The following TMEM108 variants were observed in gnomAD, a reference collection of about 807,000 sequenced individuals.
The protein encoded by TMEM108 is cancer/testis antigen 124.
TMEM108 carries 12 observed loss-of-function variants against 35.1 expected under a neutral mutation model. That is an observed-to-expected ratio of 0.34 (90% CI 0.22 to 0.55). TMEM108 has a LOEUF of 0.55. Among genes scored for constraint, TMEM108 ranks in the 20% least tolerant of loss-of-function variants. TMEM108 has a pLI of 0.89. For missense variants in TMEM108, 680 were observed against 753.3 expected (o/e 0.90, Z 1.14); for synonymous variants, 287 against 308.6 (o/e 0.93, Z 0.73).
Position 133,390,474 on chromosome 3 carries a change from G to A in TMEM108, c.1605+140G>A, listed in dbSNP as rs1197684987. 69 of 958,854 alleles carry A rather than the reference G, an allele frequency of 7.2e-5. No homozygotes were observed. The Admixed American group carries it at 1.3e-3, about 17-fold the overall frequency. 59.4% of individuals were successfully genotyped at this position (958,854 alleles called of 1,614,324 possible). On this transcript the variant is annotated intron_variant, in intron 5 of 5. Coordinates refer to ENST00000321871, the MANE Select transcript of TMEM108 (RefSeq NM_023943.4). ...CAGTATCAATAACACCCAAGAGGTTGTAGGCCCTACCCTGGTCCTACTGAG... is the reference window on the plus strand; with the variant it reads ...CAGTATCAATAACACCCAAGAGGTTATAGGCCCTACCCTGGTCCTACTGAG...
chr3:133,274,423 A>C (rs1395123629), intron 3 of TMEM108, among the ~76,000 whole-genome samples: 1 of 152,112 alleles, frequency 6.6e-6, no homozygotes, highest in East Asian at 1.9e-4. Flanking sequence ...TTCTGCATGC[A>C]CAGTGCCTGG....
chr3:133,353,689 G>A (rs1281337786), intron 3 of TMEM108, among the ~76,000 whole-genome samples: 1 of 152,200 alleles, frequency 6.6e-6, no homozygotes, highest in Non-Finnish European at 1.5e-5. Context: ...TTAGTTGGGG[G>A]AAAGAAAGGT....
At chr3:133,152,936 G>C (rs914042446) in intron 2 of TMEM108, among the ~76,000 whole-genome samples, 4 of 152,058 alleles carry the variant, frequency 2.6e-5, no homozygotes, top group African/African-American at 9.7e-5. Context: ...CCTACCTCTA[G>C]GCTGCAAAGA....
chr3:133,395,882 C>T lies in TMEM108; in HGVS notation c.1624C>T (p.Arg542Cys), dbSNP rs143196873. Residue 542 changes from arginine to cysteine, a missense_variant, in exon 6 of 6, where the codon CGC (arginine) becomes TGC (cysteine). By Grantham distance (180) the Arg-to-Cys change is radical. Transcript: ENST00000321871. ...ETSEDQLSEP[R>C]SPANGDYRDT... Reference sequence around the variant, plus strand: ...TTCCCAGGACCAGCTCTCAGAGCCCCGCTCCCCAGCCAATGGCGACTATAG... The same window carrying T: ...TTCCCAGGACCAGCTCTCAGAGCCCTGCTCCCCAGCCAATGGCGACTATAG... The T allele has an allele frequency of 8.2e-6, 13 of 1,587,732 alleles. No individual in the cohort carries two copies. The highest frequency in any genetic ancestry group is 7.0e-5 in the East Asian group (3 of 42,792).
chr3:133,323,214 C>G (rs956810739), intron 3 of TMEM108, among the ~76,000 whole-genome samples: 20 of 152,090 alleles, frequency 1.3e-4, no homozygotes, highest in African/African-American at 4.3e-4. Flanking sequence ...AAGAGTAAGT[C>G]AAACTGTTAC....
At chr3:133,100,756 T>G (rs1944076748) in intron 2 of TMEM108, among the ~76,000 whole-genome samples, 1 of 152,238 alleles carries the variant, frequency 6.6e-6, no homozygotes, top group African/African-American at 2.4e-5. Flanking sequence ...AGCAATTTTT[T>G]TTGTAAAAAT....
intron 3 of TMEM108, among the ~76,000 whole-genome samples, chr3:133,249,126 A>G (rs1369885256): frequency 1.3e-5 from 2 of 152,230 alleles, no homozygotes; most frequent in Non-Finnish European, 1.5e-5. Flanking sequence ...TCTCCTTCAC[A>G]GTGCCAAAAG....
chr3:133,295,226 A>G lies in TMEM108; in HGVS notation c.40+65875A>G, dbSNP rs374847950. 9.2e-5 allele frequency among the ~76,000 whole-genome samples: 14 copies of G among 152,314 alleles called. No individual in the cohort carries two copies. The South Asian group carries it at 1.9e-3, about 20-fold the overall frequency. On this transcript the variant is annotated intron_variant, in intron 3 of 5. Coordinates refer to ENST00000321871, the MANE Select transcript of TMEM108 (RefSeq NM_023943.4). Reference sequence around the variant, plus strand: ...ATTTTTTTATGCAGAAACTAGAAAAAGTTTGCCCGGAACCCTGAGAACCAT... The same window carrying G: ...ATTTTTTTATGCAGAAACTAGAAAAGGTTTGCCCGGAACCCTGAGAACCAT...
At chr3:133,209,877 A>G (rs1283937482) in intron 2 of TMEM108, among the ~76,000 whole-genome samples, 1 of 152,002 alleles carries the variant, frequency 6.6e-6, no homozygotes, top group Non-Finnish European at 1.5e-5. Context: ...CACTTCCCTG[A>G]ACCTCATCTC....
intron 3 of TMEM108, among the ~76,000 whole-genome samples, chr3:133,359,082 A>G (rs954526655): frequency 2.6e-5 from 4 of 152,178 alleles, no homozygotes; most frequent in African/African-American, 9.7e-5. Flanking sequence ...GAGTACTGTA[A>G]TTTTGGTCAG....
chr3:133,371,644 C>T lies in TMEM108; in HGVS notation c.41-8108C>T, dbSNP rs1032268442. Among the ~76,000 whole-genome samples the T allele has an allele frequency of 3.7e-5, 5 of 134,558 alleles. 1 individual carries two copies. The Middle Eastern group carries it at 0.016, about 431-fold the overall frequency. The allele number at this position is 134,558 out of a possible 152,430, so 88.3% of individuals were successfully genotyped here. A position where few individuals can be genotyped will look rare whatever the true frequency, so the allele number is the denominator to read the frequency against. The stretch of plus-strand genomic sequence containing the variant: ...AAAAAAAAAAAAAAAAAAAAACCCA[C>T]CCAGATTTAAAGGAAGGAACATAGA... On this transcript the variant is annotated intron_variant, in intron 3 of 5. Transcript: ENST00000321871.
chr3:133,151,086 G>T (rs541491933), intron 2 of TMEM108, among the ~76,000 whole-genome samples: 1 of 151,888 alleles, frequency 6.6e-6, no homozygotes, highest in Non-Finnish European at 1.5e-5. Flanking sequence ...TAGCTCTCCT[G>T]TTTCACCACC....
At chr3:133,040,354 G>T (rs191338687) in intron 1 of TMEM108, among the ~76,000 whole-genome samples, 3 of 151,482 alleles carry the variant, frequency 2.0e-5, no homozygotes. Flanking sequence ...CAGGTGTGAG[G>T]CACCATGCCC....
intron 3 of TMEM108, among the ~76,000 whole-genome samples, chr3:133,368,551 G>A (rs1422767833): frequency 6.6e-6 from 1 of 152,120 alleles, no homozygotes; most frequent in African/African-American, 2.4e-5. Flanking sequence ...GCCTCACTCT[G>A]GCCTGTGGGA....
chr3:133,280,951 A>G (rs73221166), intron 3 of TMEM108, among the ~76,000 whole-genome samples: 7,076 of 152,294 alleles, frequency 0.046, 188 homozygotes, highest in Non-Finnish European at 0.065. Flanking sequence ...TTGAGGTCCA[A>G]CCTTAAAGCT....
Position 133,351,340 on chromosome 3 carries a change from A to G in TMEM108, c.41-28412A>G, listed in dbSNP as rs189803418. Among the ~76,000 whole-genome samples the G allele has an allele frequency of 2.9e-3, 448 of 152,276 alleles. 3 individuals carry two copies. The highest frequency in any genetic ancestry group is 0.01 in the African/African-American group (436 of 41,560). On this transcript the variant is annotated intron_variant, in intron 3 of 5. Coordinates refer to ENST00000321871, the MANE Select transcript of TMEM108 (RefSeq NM_023943.4). ...GCTTACTTCAAACTCAGCATGTGGTAAAGAGAGCATGGCCTCCAGGGAATA... is the reference window on the plus strand; with the variant it reads ...GCTTACTTCAAACTCAGCATGTGGTGAAGAGAGCATGGCCTCCAGGGAATA...
intron 3 of TMEM108, among the ~76,000 whole-genome samples, chr3:133,255,748 G>C (rs747004183): frequency 2.0e-5 from 3 of 152,160 alleles, no homozygotes; most frequent in Non-Finnish European, 4.4e-5. Flanking sequence ...AAGCTCTTTG[G>C]GTGGCCGAGG....
chr3:133,115,691 G>GT (rs1944279735), intron 2 of TMEM108, among the ~76,000 whole-genome samples: 1 of 152,210 alleles, frequency 6.6e-6, no homozygotes, highest in Non-Finnish European at 1.5e-5. Context: ...AATAATACAT[G>GT]TTTTTTCTTT....
chr3:133,182,693 A>G (rs1367420449), intron 2 of TMEM108, among the ~76,000 whole-genome samples: 1 of 152,236 alleles, frequency 6.6e-6, no homozygotes, highest in Non-Finnish European at 1.5e-5. Context: ...AGGCCCAGCT[A>G]GAGGCTTGGT....
Sources: allele counts gnomAD v4.1 joint callset (sites outside exome capture counted in the v4.1 genomes callset), GRCh38; gene constraint gnomAD v4.1.1; transcripts MANE v1.5; gene names NCBI Gene and HGNC (gene_info 2026-07-23, HGNC 2026-07-21).